CEP85L: variants seen among roughly 807,000 people sequenced by gnomAD.
CEP85L encodes the protein centrosomal protein of 85 kDa-like.
Under a neutral mutation model 100.3 loss-of-function variants are expected in CEP85L, and 60 were observed. The ratio of observed to expected loss-of-function variants is 0.60; its 90% CI spans 0.49 to 0.74. The LOEUF (loss-of-function observed/expected upper bound fraction) is 0.74. Among genes scored for constraint, CEP85L ranks in the 30% least tolerant of loss-of-function variants. The probability of loss-of-function intolerance (pLI) is 0.00; values close to 1 mark genes in which losing one functional copy is unlikely to be tolerated. For missense variants in CEP85L, 973 were observed against 936.2 expected (o/e 1.04, Z -0.51); for synonymous variants, 319 against 322.7 (o/e 0.99, Z 0.12).
chr6:118,617,096 T>A (rs1182677184), intron 2 of CEP85L, among the ~76,000 whole-genome samples: 1 of 152,058 alleles, frequency 6.6e-6, no homozygotes, highest in Non-Finnish European at 1.5e-5. Flanking sequence ...GAGATACAAT[T>A]AAAAGTGAGA....
At chr6:118,534,183 C>A (rs1394769425) in intron 3 of CEP85L, among the ~76,000 whole-genome samples, 1 of 152,060 alleles carries the variant, frequency 6.6e-6, no homozygotes, top group Non-Finnish European at 1.5e-5. Flanking sequence ...GTGACTTTAA[C>A]AAGATTATAC....
chr6:118,610,720 T>C (rs896800577), intron 2 of CEP85L, among the ~76,000 whole-genome samples: 4 of 151,806 alleles, frequency 2.6e-5, no homozygotes, highest in African/African-American at 9.7e-5. Context: ...CACATGATAA[T>C]TGAATTTCTG....
intron 10 of CEP85L, among the ~76,000 whole-genome samples, chr6:118,474,413 G>A (rs932991869): frequency 6.6e-6 from 1 of 152,180 alleles, no homozygotes; most frequent in Non-Finnish European, 1.5e-5. Context: ...AGAAAAGATA[G>A]GGCATCAACA....
At chr6:118,575,772 C>T (rs76009162) in intron 2 of CEP85L, among the ~76,000 whole-genome samples, 4,410 of 152,118 alleles carry the variant, frequency 0.029, 106 homozygotes, top group African/African-American at 0.056. Context: ...TACAAACCCT[C>T]GCTAAGCAAG....
At chr6:118,598,502 A>G (rs1781566803) in intron 2 of CEP85L, among the ~76,000 whole-genome samples, 1 of 152,196 alleles carries the variant, frequency 6.6e-6, no homozygotes, top group African/African-American at 2.4e-5. Context: ...GTATCCCTAT[A>G]TGGAGAGAGA....
At chr6:118,586,701 G>A (rs556222931) in intron 2 of CEP85L, among the ~76,000 whole-genome samples, 2 of 152,252 alleles carry the variant, frequency 1.3e-5, no homozygotes, top group East Asian at 1.9e-4. Flanking sequence ...GTAACTATAT[G>A]AGAACTAATC....
At chr6:118,558,386 T>G (rs1030935828) in intron 3 of CEP85L, among the ~76,000 whole-genome samples, 20 of 152,156 alleles carry the variant, frequency 1.3e-4, no homozygotes, top group Admixed American at 1.3e-3. Context: ...TATAGGAACT[T>G]AACTCTTGTT....
intron 1 of CEP85L, among the ~76,000 whole-genome samples, chr6:118,645,907 A>G (rs1043095865): frequency 2.0e-5 from 3 of 152,228 alleles, no homozygotes; most frequent in African/African-American, 7.2e-5. Context: ...GAAAAACAGA[A>G]ATCAAAATAT....
rs1775547912 is a variant in CEP85L at position 118,651,352 on chromosome 6, C to T, written c.-83G>A. Reference sequence around the variant, plus strand: ...GCTTCTTCGGCGGCGGAAACTTGCGCGGAGCGTGGGCCTCGGCGACACGGG... The same window carrying T: ...GCTTCTTCGGCGGCGGAAACTTGCGTGGAGCGTGGGCCTCGGCGACACGGG... On this transcript the variant is annotated 5_prime_UTR_variant, in exon 1 of 13. Coordinates refer to ENST00000368491, the MANE Select transcript of CEP85L (RefSeq NM_001042475.3). 6 of 1,385,328 alleles carry T rather than the reference C, an allele frequency of 4.3e-6. No homozygotes were observed. Among genetic ancestry groups the T allele is most frequent in the East Asian group, 3.1e-5 (1 of 32,326 alleles). 85.8% of individuals were successfully genotyped at this position (1,385,328 alleles called of 1,614,324 possible).
intron 5 of CEP85L, among the ~76,000 whole-genome samples, chr6:118,496,229 T>A (rs1774907654): frequency 6.6e-6 from 1 of 152,198 alleles, no homozygotes; most frequent in Non-Finnish European, 1.5e-5. Context: ...CTTAAAATTA[T>A]CAACCACATT....
At chr6:118,537,230 T>C (rs1777647457) in intron 3 of CEP85L, among the ~76,000 whole-genome samples, 2 of 152,168 alleles carry the variant, frequency 1.3e-5, no homozygotes, top group Non-Finnish European at 2.9e-5. Flanking sequence ...AACTTTGACA[T>C]GAACATGCAA....
intron 1 of CEP85L, among the ~76,000 whole-genome samples, chr6:118,657,538 T>G (rs1025203144): frequency 1.3e-5 from 2 of 152,212 alleles, no homozygotes; most frequent in African/African-American, 4.8e-5. Context: ...GAGAACTGCT[T>G]GAACCCAGGA....
intron 1 of CEP85L, among the ~76,000 whole-genome samples, chr6:118,667,083 C>A (rs753449227): frequency 9.2e-5 from 14 of 152,156 alleles, no homozygotes; most frequent in Non-Finnish European, 1.9e-4. Context: ...CTGTTAGGCA[C>A]CAAGTGAAGA....
intron 3 of CEP85L, among the ~76,000 whole-genome samples, chr6:118,552,454 A>G (rs147007555): frequency 6.6e-6 from 1 of 152,194 alleles, no homozygotes; most frequent in Non-Finnish European, 1.5e-5. Context: ...CCTTCCGCAC[A>G]AGAATGCATC....
At chr6:118,699,032 G>A (rs4946356) in intron 1 of CEP85L, among the ~76,000 whole-genome samples, 56,632 of 151,790 alleles carry the variant, frequency 0.37, 10,759 homozygotes, top group Middle Eastern at 0.44. Context: ...GAGGGTTCAG[G>A]GGCTTATTAG....
intron 2 of CEP85L, among the ~76,000 whole-genome samples, chr6:118,600,395 A>G (rs1188398889): frequency 1.5e-5 from 2 of 134,166 alleles, no homozygotes; most frequent in African/African-American, 5.7e-5. Context: ...ATCTCAGCTC[A>G]CTGCAACCTC....
chr6:118,543,896 AG>A (rs1778048832), intron 3 of CEP85L, among the ~76,000 whole-genome samples: 1 of 152,258 alleles, frequency 6.6e-6, no homozygotes. Context: ...AACGAAGGGT[AG>A]AAAAACTAGT....
intron 3 of CEP85L, among the ~76,000 whole-genome samples, chr6:118,543,179 T>C (rs532698222): frequency 2.1e-4 from 3 of 14,426 alleles, no homozygotes; most frequent in Non-Finnish European, 4.7e-4. Context: ...TTTGTTGAAA[T>C]TGTTTTTTGA....
intron 2 of CEP85L, among the ~76,000 whole-genome samples, chr6:118,568,045 C>G (rs1268511662): frequency 6.6e-6 from 1 of 152,178 alleles, no homozygotes; most frequent in Non-Finnish European, 1.5e-5. Context: ...CATTCAGAGG[C>G]AGCAGCACAA....
Sources: allele counts gnomAD v4.1 joint callset (sites outside exome capture counted in the v4.1 genomes callset), GRCh38; gene constraint gnomAD v4.1.1; transcripts MANE v1.5; gene names NCBI Gene and HGNC (gene_info 2026-07-23, HGNC 2026-07-21).